SDF2: variants seen among roughly 807,000 people sequenced by gnomAD.
The protein encoded by SDF2 is stromal cell derived factor 2.
SDF2 carries 12 observed loss-of-function variants against 20.5 expected under a neutral mutation model. The observed-to-expected ratio is 0.58, with a 90% CI of 0.37 to 0.95. The LOEUF is 0.95. Among genes scored for constraint, SDF2 ranks in the 40% least tolerant of loss-of-function variants. The probability of loss-of-function intolerance (pLI) is 0.01; values close to 1 mark genes in which losing one functional copy is unlikely to be tolerated. For synonymous variants in SDF2, 100 were observed against 101.0 expected (o/e 0.99, Z 0.06); for missense variants, 238 against 263.1 (o/e 0.90, Z 0.66).
Position 28,648,849 on chromosome 17 carries a change from G to T in SDF2, c.*140C>A. ...TGCAGGGCTGAAGCTTCCAAACACAGCCACTATTTTCTGTTGTATATCTTC... is the reference window on the plus strand; with the variant it reads ...TGCAGGGCTGAAGCTTCCAAACACATCCACTATTTTCTGTTGTATATCTTC... On this transcript the variant is annotated 3_prime_UTR_variant, in exon 3 of 3. Transcript: ENST00000247020. The T allele has an allele frequency of 1.2e-6, 1 of 833,622 alleles. No individual in the cohort carries two copies. The highest frequency in any genetic ancestry group is 1.9e-6 in the Non-Finnish European group (1 of 530,594). 51.6% of individuals were successfully genotyped at this position (833,622 alleles called of 1,614,324 possible).
intron 2 of SDF2, among the ~76,000 whole-genome samples, chr17:28,650,215 G>A (rs1053904542): frequency 6.6e-6 from 1 of 151,746 alleles, no homozygotes; most frequent in Non-Finnish European, 1.5e-5. Flanking sequence ...GCCTCCCAAA[G>A]TGCTGGGATT....
Position 28,661,834 on chromosome 17 carries a change from C to G in SDF2, c.43G>C (p.Ala15Pro). The G allele has an allele frequency of 6.2e-7, 1 of 1,614,082 alleles. No individual in the cohort carries two copies. The highest frequency in any genetic ancestry group is 8.5e-7 in the Non-Finnish European group (1 of 1,179,982). The stretch of plus-strand genomic sequence containing the variant: ...ACACCCAGGCTGGACGCTCCCACAG[C>G]GCTCCACAAACCCCCCAACAACAGC... Reference protein sequence around the residue: ...PLLLLGGLWSAVGASSLGVVT... With the variant: ...PLLLLGGLWSPVGASSLGVVT... The change falls in exon 1 of 3, where the codon GCT (alanine) becomes CCT (proline). Residue 15 changes from alanine (A) to proline (P), a missense_variant. Coordinates refer to ENST00000247020, the MANE Select transcript of SDF2 (RefSeq NM_006923.4).
At chr17:28,660,801 A>G (rs1448504857) in intron 1 of SDF2, 1 of 163,470 alleles carries the variant, frequency 6.1e-6, no homozygotes, top group Non-Finnish European at 1.3e-5. Context: ...AGCAAACAGC[A>G]TCATCAGTCA....
chr17:28,655,541 G>A (rs1471120393), intron 1 of SDF2, 58 bp from the exon 2 acceptor site: 1 of 1,469,752 alleles, frequency 6.8e-7, no homozygotes. Flanking sequence ...CATGCTCAGA[G>A]ACAGAAGCTT....
At position 28,659,833 on chromosome 17, in the gene SDF2, C is replaced by T. The variant is rs867759114; in HGVS notation, c.151+1893G>A. On this transcript the variant is annotated intron_variant, in intron 1 of 2. Transcript: ENST00000247020. ...GCAGAGACGCTCCTCACTTCCTAGA[C>T]GGGGTGGCGGCCGGGCAGAGGCTGT... is the stretch of plus-strand genomic sequence containing the variant. 8.6e-4 allele frequency among the ~76,000 whole-genome samples: 129 copies of T among 150,620 alleles called. 1 individual carries two copies. Among genetic ancestry groups the T allele is most frequent in the African/African-American group, 2.9e-3 (119 of 41,022 alleles).
chr17:28,649,111 C>T lies in SDF2; in HGVS notation c.514G>A (p.Gly172Arg). Reference sequence around the variant, plus strand: ...GCCATGCCATGCACCTCTTTTTGCCCACTGATAGGTCGACCATATTGTTCT... The same window carrying T: ...GCCATGCCATGCACCTCTTTTTGCCTACTGATAGGTCGACCATATTGTTCT... The part of the protein sequence containing the change: ...TGEQYGRPIS[G>R]QKEVHGMAQP... The change falls in exon 3 of 3, where the codon GGG becomes AGG. Residue 172 changes from glycine (G) to arginine (R), a missense_variant. By Grantham distance (125) the Gly-to-Arg change is moderately radical (BLOSUM62 -2). Coordinates refer to ENST00000247020, the MANE Select transcript of SDF2 (RefSeq NM_006923.4). 1 of 1,614,202 alleles carries T rather than the reference C, an allele frequency of 6.2e-7. No homozygotes were observed. The highest frequency in any genetic ancestry group is 1.3e-5 in the African/African-American group (1 of 75,030).
chr17:28,659,139 CGGGCAGAGGCGCTCCT>C, intron 1 of SDF2, among the ~76,000 whole-genome samples: 1 of 135,402 alleles, frequency 7.4e-6, no homozygotes, highest in Admixed American at 7.4e-5. Flanking sequence ...AATGGGCGGC[CGGGCAGAGGCGCTCCT>C]CACTTCCCAG....
In SDF2 at chr17:28,648,735, T is replaced by C; in HGVS notation, c.*254A>G. 1.8e-6 allele frequency: 1 copy of C among 545,314 alleles called. No individual in the cohort carries two copies. Among genetic ancestry groups the C allele is most frequent in the Non-Finnish European group, 3.3e-6 (1 of 304,232 alleles). The allele number at this position is 545,314 out of a possible 1,614,324, so 33.8% of individuals were successfully genotyped here. On this transcript the variant is annotated 3_prime_UTR_variant, in exon 3 of 3. Transcript: ENST00000247020. Reference sequence around the variant, plus strand: ...TTCCCTCAGTTTGTTTTATCAGTACTAATAAAAAGCATCTGCCCCTTTACC... The same window carrying C: ...TTCCCTCAGTTTGTTTTATCAGTACCAATAAAAAGCATCTGCCCCTTTACC...
At chr17:28,657,132 CAGA>C (rs1279067762) in intron 1 of SDF2, among the ~76,000 whole-genome samples, 4 of 152,044 alleles carry the variant, frequency 2.6e-5, no homozygotes, top group Admixed American at 2.0e-4. Flanking sequence ...GAGGCTGAGG[CAGA>C]AGAATTGCTT....
chr17:28,661,850 C>A lies in SDF2; in HGVS notation c.27G>T (p.Leu9Phe). Residue 9 changes from leucine (L) to phenylalanine (F), a missense_variant, in exon 1 of 3, where the codon TTG (leucine) becomes TTT (phenylalanine). Leu to Phe is a conservative substitution (Grantham distance 22). Coordinates refer to ENST00000247020, the MANE Select transcript of SDF2 (RefSeq NM_006923.4). The stretch of plus-strand genomic sequence containing the variant: ...CTCCCACAGCGCTCCACAAACCCCC[C>A]AACAACAGCAGAGGTACTACAGCCA... The part of the protein sequence containing the change: MAVVPLLL[L>F]GGLWSAVGAS... The A allele has an allele frequency of 6.2e-7, 1 of 1,613,996 alleles. No homozygotes were observed. Among genetic ancestry groups the A allele is most frequent in the Non-Finnish European group, 8.5e-7 (1 of 1,179,882 alleles).
Position 28,648,899 on chromosome 17 carries a change from C to A in SDF2, c.*90G>T. ...CATCTCAATGGTGACATGGCCACTG[C>A]CCAAGGAACTTGTGGCAGGGATCCC... On this transcript the variant is annotated 3_prime_UTR_variant, in exon 3 of 3. Coordinates refer to ENST00000247020, the MANE Select transcript of SDF2 (RefSeq NM_006923.4). 7.3e-7 allele frequency: 1 copy of A among 1,367,952 alleles called. No homozygotes were observed. 84.7% of individuals were successfully genotyped at this position (1,367,952 alleles called of 1,614,324 possible). A position where few individuals can be genotyped will look rare whatever the true frequency, so the allele number is the denominator to read the frequency against.
Position 28,661,779 on chromosome 17 carries a change from A to T in SDF2, c.98T>A (p.Leu33His). 1.2e-6 allele frequency: 2 copies of T among 1,614,022 alleles called. No homozygotes were observed. The highest frequency in any genetic ancestry group is 2.2e-5 in the South Asian group (2 of 91,072). The change falls in exon 1 of 3, where the codon CTC becomes CAC. Residue 33 changes from leucine (L) to histidine (H), a missense_variant. Physicochemically the swap from Leu to His is moderately conservative, Grantham distance 99. Coordinates refer to ENST00000247020, the MANE Select transcript of SDF2 (RefSeq NM_006923.4). ...VVTCGSVVKL[L>H]NTRHNVRLHS... ...CAGTCGGACGTTGTGGCGCGTATTG[A>T]GTAGCTTCACCACGGAGCCGCAAGT... is the stretch of plus-strand genomic sequence containing the variant.
chr17:28,660,773 A>C (rs1170436335), intron 1 of SDF2: 1 of 160,948 alleles, frequency 6.2e-6, no homozygotes, highest in Admixed American at 6.4e-5. Context: ...CCCACCTGAC[A>C]GAACTCTTTC....
chr17:28,649,157 C>A lies in SDF2; in HGVS notation c.468G>T (p.Glu156Asp), dbSNP rs1170893910. 9 of 1,614,120 alleles carry A rather than the reference C, an allele frequency of 5.6e-6. No homozygotes were observed. In the African/African-American group the frequency reaches 1.1e-4, roughly 19 times the overall value. The part of the protein sequence containing the change: ...GEVRFKHSST[E>D]VLLSVTGEQY... ...GTTCTCCTGTGACAGACAGCAGTAC[C>A]TCAGTGGAAGAGTGTTTGAACCGCA... is the stretch of plus-strand genomic sequence containing the variant. The change falls in exon 3 of 3, where the codon GAG becomes GAT. Residue 156 changes from glutamate (E) to aspartate (D), a missense_variant. Transcript: ENST00000247020.
In SDF2 at chr17:28,661,776, T is replaced by G; in HGVS notation, c.101A>C (p.Asn34Thr). The change falls in exon 1 of 3, where the codon AAT becomes ACT. Residue 34 changes from asparagine (N) to threonine (T), a missense_variant. Physicochemically the swap from Asn to Thr is moderately conservative, Grantham distance 65. Coordinates refer to ENST00000247020, the MANE Select transcript of SDF2 (RefSeq NM_006923.4). Reference protein sequence around the residue: ...VTCGSVVKLLNTRHNVRLHSH... With the variant: ...VTCGSVVKLLTTRHNVRLHSH... ...GTGCAGTCGGACGTTGTGGCGCGTA[T>G]TGAGTAGCTTCACCACGGAGCCGCA... is the stretch of plus-strand genomic sequence containing the variant. 6.2e-7 allele frequency: 1 copy of G among 1,614,002 alleles called. No individual in the cohort carries two copies. Among genetic ancestry groups the G allele is most frequent in the South Asian group, 1.1e-5 (1 of 91,070 alleles).
chr17:28,655,759 A>G (rs2071956407), intron 1 of SDF2: 2 of 511,058 alleles, frequency 3.9e-6, no homozygotes, highest in Admixed American at 2.9e-5. Flanking sequence ...CCAAATGTGA[A>G]GAGCCTATGT....
intron 2 of SDF2, chr17:28,651,665 T>C (rs1302655564): frequency 6.6e-6 from 1 of 152,220 alleles, no homozygotes; most frequent in Non-Finnish European, 1.5e-5. Flanking sequence ...AATAAGGCAG[T>C]GAGAGAGAAA....
chr17:28,651,289 C>T (rs572977006), intron 2 of SDF2, among the ~76,000 whole-genome samples: 1 of 152,328 alleles, frequency 6.6e-6, no homozygotes, highest in Admixed American at 6.5e-5. Context: ...GTCTCAAACT[C>T]CCAGCCTCAA....
intron 2 of SDF2, among the ~76,000 whole-genome samples, chr17:28,654,960 A>G (rs1567676864): frequency 6.6e-6 from 1 of 151,766 alleles, no homozygotes. Flanking sequence ...CATCTCAAAA[A>G]AATAAAAATA....
Sources: allele counts gnomAD v4.1 joint callset (sites outside exome capture counted in the v4.1 genomes callset), GRCh38; gene constraint gnomAD v4.1.1; transcripts MANE v1.5; gene names NCBI Gene and HGNC (gene_info 2026-07-23, HGNC 2026-07-21).